Variants in RABGAP1L observed in about 807,000 individuals in gnomAD.
The protein encoded by RABGAP1L is rab GTPase-activating protein 1-like.
In RABGAP1L, 63 loss-of-function variants were observed where a neutral mutation model predicts 137.7. That is an observed-to-expected ratio of 0.46 (90% CI 0.37 to 0.56). The LOEUF is 0.56. RABGAP1L is among the 20% of genes least tolerant of loss of function. The probability of loss-of-function intolerance (pLI) is 0.00; values close to 1 mark genes in which losing one functional copy is unlikely to be tolerated. For missense variants in RABGAP1L, 1,095 were observed against 1,244.0 expected, an observed-to-expected ratio of 0.88 and a Z score of 1.80; for synonymous variants, 431 against 433.7, an observed-to-expected ratio of 0.99 and a Z score of 0.08.
chr1:174,635,071 AG>A (rs1420290227), intron 13 of RABGAP1L, among the ~76,000 whole-genome samples: 6 of 151,736 alleles, frequency 4.0e-5, no homozygotes, highest in South Asian at 4.1e-4. Context: ...AAATAAAAAA[AG>A]AAAAAAAAGA....
At chr1:174,349,717 C>T (rs1482417411) in intron 11 of RABGAP1L, among the ~76,000 whole-genome samples, 1 of 137,156 alleles carries the variant, frequency 7.3e-6, no homozygotes, top group East Asian at 2.6e-4. Context: ...GACAGGGCGG[C>T]TGGCCGGGCG....
chr1:174,209,535 G>A (rs1024006363), intron 1 of RABGAP1L, among the ~76,000 whole-genome samples: 3 of 152,198 alleles, frequency 2.0e-5, no homozygotes, highest in Admixed American at 6.5e-5. Flanking sequence ...AGGGATGAGT[G>A]GAAGAATTGT....
chr1:174,460,930 G>T (rs1656618968), intron 13 of RABGAP1L, among the ~76,000 whole-genome samples: 1 of 152,002 alleles, frequency 6.6e-6, no homozygotes, highest in Admixed American at 6.6e-5. Context: ...AAACCAAATT[G>T]TCTCAAATTC....
intron 13 of RABGAP1L, among the ~76,000 whole-genome samples, chr1:174,476,706 T>C (rs1324094596): frequency 6.6e-6 from 1 of 152,178 alleles, no homozygotes; most frequent in African/African-American, 2.4e-5. Context: ...CCTAAGTGAT[T>C]TCATCACTCA....
intron 19 of RABGAP1L, among the ~76,000 whole-genome samples, chr1:174,857,277 G>T (rs538548636): frequency 1.1e-4 from 17 of 152,118 alleles, no homozygotes; most frequent in Admixed American, 7.2e-4. Context: ...CATTTATGAC[G>T]CTTTGGTTTG....
chr1:174,822,768 C>T (rs759008057), intron 19 of RABGAP1L, among the ~76,000 whole-genome samples: 3 of 152,198 alleles, frequency 2.0e-5, no homozygotes, highest in East Asian at 1.9e-4. Context: ...CTGTGTGGCC[C>T]GGTTCCTAAT....
rs139040910 is a variant in RABGAP1L, at chr1:174,992,465, C to T, written c.*2464C>T. 1 of 152,170 alleles carries T rather than the reference C, an allele frequency of 6.6e-6. No individual in the cohort carries two copies. Among genetic ancestry groups the T allele is most frequent in the East Asian group, 1.9e-4 (1 of 5,178 alleles). The allele number at this position is 152,170 out of a possible 1,614,324, so 9.4% of individuals were successfully genotyped here. A position where few individuals can be genotyped will look rare whatever the true frequency, so the allele number is the denominator to read the frequency against. On this transcript the variant is annotated 3_prime_UTR_variant, in exon 26 of 26. Transcript: ENST00000681986. ...GTCTCGAAAAATCACCAGGTACATA[C>T]CTCTCAAGTTTGATAAGTCCATCTT...
intron 13 of RABGAP1L, among the ~76,000 whole-genome samples, chr1:174,444,698 A>G (rs1558239739): frequency 2.0e-5 from 3 of 151,720 alleles, no homozygotes; most frequent in African/African-American, 4.8e-5. Flanking sequence ...GAATTTAGCC[A>G]TTTTTTCTAG....
chr1:174,384,038 C>T (rs1341844664), intron 12 of RABGAP1L, among the ~76,000 whole-genome samples: 1 of 152,150 alleles, frequency 6.6e-6, no homozygotes, highest in African/African-American at 2.4e-5. Context: ...AAATGTCCGT[C>T]AAAAGTAAAT....
chr1:174,428,755 T>C (rs1032719975), intron 13 of RABGAP1L, among the ~76,000 whole-genome samples: 1 of 152,288 alleles, frequency 6.6e-6, no homozygotes. Context: ...TTATCCAGTG[T>C]TGGGTGTGTG....
chr1:174,599,355 A>T (rs1670243439), intron 13 of RABGAP1L, among the ~76,000 whole-genome samples: 1 of 152,142 alleles, frequency 6.6e-6, no homozygotes, highest in African/African-American at 2.4e-5. Flanking sequence ...TTTATATGGA[A>T]GATATAAGTA....
chr1:174,313,262 G>C (rs144331730), intron 11 of RABGAP1L, among the ~76,000 whole-genome samples: 3 of 152,070 alleles, frequency 2.0e-5, no homozygotes, highest in Non-Finnish European at 4.4e-5. Context: ...TCTTTTCCAC[G>C]TTGTTGACAA....
chr1:174,785,131 C>T (rs985751368), intron 18 of RABGAP1L, among the ~76,000 whole-genome samples: 2 of 152,168 alleles, frequency 1.3e-5, no homozygotes, highest in African/African-American at 4.8e-5. Context: ...ATGGCGCAAT[C>T]TCGGCTCACT....
At chr1:174,515,959 A>C (rs1190074448) in intron 13 of RABGAP1L, among the ~76,000 whole-genome samples, 1 of 152,156 alleles carries the variant, frequency 6.6e-6, no homozygotes, top group African/African-American at 2.4e-5. Flanking sequence ...ATTATTTGTT[A>C]ATCAAAATAG....
chr1:174,788,784 T>C (rs2148790463), intron 18 of RABGAP1L, among the ~76,000 whole-genome samples: 1 of 152,290 alleles, frequency 6.6e-6, no homozygotes, highest in African/African-American at 2.4e-5. Context: ...TGATCTCGGC[T>C]TACTGGAACC....
At position 174,352,099 on chromosome 1, in the gene RABGAP1L, C is replaced by T. The variant is rs530808308; in HGVS notation, c.1466-18880C>T. 1.6e-4 allele frequency among the ~76,000 whole-genome samples: 24 copies of T among 152,304 alleles called. 1 individual carries two copies. The East Asian group carries it at 4.1e-3, about 26-fold the overall frequency. On this transcript the variant is annotated intron_variant, in intron 11 of 25. Transcript: ENST00000681986. The stretch of plus-strand genomic sequence containing the variant: ...CTGGGATTACAGGCGTGAGCCACCA[C>T]GCCCGGCCGGGAAGTACTCTGTTAT...
intron 13 of RABGAP1L, among the ~76,000 whole-genome samples, chr1:174,513,256 G>T (rs1317243302): frequency 2.0e-5 from 3 of 151,932 alleles, no homozygotes; most frequent in Non-Finnish European, 4.4e-5. Context: ...CTTGTATTTG[G>T]TTTGAAATAT....
intron 13 of RABGAP1L, among the ~76,000 whole-genome samples, chr1:174,433,636 A>G (rs1294502101): frequency 2.0e-5 from 3 of 152,148 alleles, no homozygotes; most frequent in Non-Finnish European, 4.4e-5. Flanking sequence ...TCTTGAGTAC[A>G]AACACTGAGC....
In RABGAP1L at chr1:174,501,685, CACTTT is replaced by C. The variant is rs1209803064; in HGVS notation, c.1710+107546_1710+107550del. Reference sequence around the variant, plus strand: ...CATGTACTAACAGTCCATTGCATAACACTTTACTTTTTGTTTTTTTAAAGAGATAG... The same window carrying C: ...CATGTACTAACAGTCCATTGCATAACACTTTTTGTTTTTTTAAAGAGATAG... On this transcript the variant is annotated intron_variant, in intron 13 of 25. Transcript: ENST00000681986. Among the ~76,000 whole-genome samples the C allele has an allele frequency of 7.2e-5, 11 of 152,226 alleles. No individual in the cohort carries two copies. In the South Asian group the frequency reaches 1.2e-3, roughly 17 times the overall value.
Sources: gnomAD v4.1 joint callset for allele counts (sites outside exome capture counted in the v4.1 genomes callset) on GRCh38, gnomAD v4.1.1 for gene constraint, MANE v1.5 for transcripts, NCBI Gene and HGNC (gene_info 2026-07-23, HGNC 2026-07-21) for gene names.